The following GRP variants were observed in gnomAD, a reference collection of about 807,000 sequenced individuals.
GRP encodes the protein gastrin-releasing peptide.
GRP carries 11 observed loss-of-function variants against 12.7 expected under a neutral mutation model. That is an observed-to-expected ratio of 0.87 (90% CI 0.55 to 1.44). The LOEUF (loss-of-function observed/expected upper bound fraction) is 1.44. Among genes scored for constraint, GRP ranks in the 40% most tolerant of loss-of-function variants. GRP has a pLI of 0.00. For missense variants in GRP, 212 were observed against 185.4 expected, an observed-to-expected ratio of 1.14 and a Z score of -0.83; for synonymous variants, 84 against 77.7, an observed-to-expected ratio of 1.08 and a Z score of -0.43.
chr18:59,223,817 C>A (rs1015212025), intron 1 of GRP, among the ~76,000 whole-genome samples: 2 of 152,162 alleles, frequency 1.3e-5, no homozygotes, highest in Non-Finnish European at 2.9e-5. Flanking sequence ...GAGTGGCTAT[C>A]TGAGCACCAT....
intron 1 of GRP, among the ~76,000 whole-genome samples, chr18:59,223,946 A>T (rs1260499162): frequency 6.6e-6 from 1 of 152,222 alleles, no homozygotes; most frequent in Non-Finnish European, 1.5e-5. Flanking sequence ...CAATTTGGCA[A>T]ATGCTCACAC....
At chr18:59,225,415 A>C in intron 1 of GRP, 77 bp from the exon 2 acceptor site, 1 of 1,394,826 alleles carries the variant, frequency 7.2e-7, no homozygotes. Context: ...TTAGCTTTAA[A>C]TTTCTTTTAA....
At chr18:59,222,779 A>C (rs117499442) in intron 1 of GRP, among the ~76,000 whole-genome samples, 2,447 of 152,360 alleles carry the variant, frequency 0.016, 38 homozygotes, top group Non-Finnish European at 0.024. Flanking sequence ...ATGGTGCAGC[A>C]ATGGAAAAAA....
At chr18:59,225,369 T>A (rs2069900391) in intron 1 of GRP, 123 bp from the exon 2 acceptor site, 1 of 925,204 alleles carries the variant, frequency 1.1e-6, no homozygotes, top group African/African-American at 1.7e-5. Context: ...AAAACATGAT[T>A]TATTCTGCAT....
chr18:59,227,004 T>C (rs866851073), intron 2 of GRP, among the ~76,000 whole-genome samples: 14 of 99,914 alleles, frequency 1.4e-4, no homozygotes, highest in African/African-American at 4.4e-4. Context: ...TTTCTTTCTT[T>C]CTTTCTTTCT....
In GRP at chr18:59,220,260, G is replaced by A. The variant is rs988982340; in HGVS notation, c.-6G>A. ...CGGCGCGCTCCAAGGGCTTCCCGTC[G>A]GGACCATGCGCGGCCGTGAGCTCCC... On this transcript the variant is annotated 5_prime_UTR_variant, in exon 1 of 3. Transcript: ENST00000256857. 1 of 1,495,586 alleles carries A rather than the reference G, an allele frequency of 6.7e-7. No individual in the cohort carries two copies. The highest frequency in any genetic ancestry group is 8.9e-7 in the Non-Finnish European group (1 of 1,127,072). 92.6% of individuals were successfully genotyped at this position (1,495,586 alleles called of 1,614,324 possible).
In GRP at chr18:59,230,399, T is replaced by A. The variant is rs1387394563; in HGVS notation, c.383-5T>A. 3 of 1,538,652 alleles carry A rather than the reference T, an allele frequency of 1.9e-6. No individual in the cohort carries two copies. Among genetic ancestry groups the A allele is most frequent in the Non-Finnish European group, 2.7e-6 (3 of 1,111,056 alleles). On this transcript the variant is annotated splice_polypyrimidine_tract_variant and splice_region_variant and intron_variant, in intron 2 of 2. Transcript: ENST00000256857. ...TTTGCTGAACTCTTTCTAATATTTCTTAAGTTGGTAGACTCTCTGCTCCAG... is the reference window on the plus strand; with the variant it reads ...TTTGCTGAACTCTTTCTAATATTTCATAAGTTGGTAGACTCTCTGCTCCAG...
At chr18:59,229,475 G>A (rs2069996416) in intron 2 of GRP, among the ~76,000 whole-genome samples, 2 of 152,148 alleles carry the variant, frequency 1.3e-5, no homozygotes, top group South Asian at 4.1e-4. Flanking sequence ...AGCCTGGGTT[G>A]GTGGAGGCAA....
chr18:59,230,268 A>C, intron 2 of GRP, 136 bp from the exon 3 acceptor site: 1 of 610,310 alleles, frequency 1.6e-6, no homozygotes, highest in East Asian at 2.7e-5. Flanking sequence ...CTGATTTAGT[A>C]GGTGTTAGGC....
At chr18:59,219,912 C>A (rs2069799141), upstream of GRP, among the ~76,000 whole-genome samples, 1 of 152,038 alleles carries the variant, frequency 6.6e-6, no homozygotes, top group Non-Finnish European at 1.5e-5. Flanking sequence ...GGATGGAAGG[C>A]GTCGAGGACC....
At chr18:59,219,496 GTGGAGAGGAGGGGAA>G (rs2069792129), upstream of GRP, among the ~76,000 whole-genome samples, 1 of 67,708 alleles carries the variant, frequency 1.5e-5, no homozygotes, top group Non-Finnish European at 3.1e-5. Context: ...GGGTATGGGA[GTGGAGAGGAGGGGAA>G]GGGAGGGGAG....
In GRP at chr18:59,220,423, G is replaced by A. The variant is rs2069812082; in HGVS notation, c.139+19G>A. The A allele has an allele frequency of 7.4e-7, 1 of 1,343,162 alleles. No homozygotes were observed. The allele number at this position is 1,343,162 out of a possible 1,614,324, so 83.2% of individuals were successfully genotyped here. Reference sequence around the variant, plus strand: ...GCGGTGGGTGAGTGTCCTGGCCGCGGGAGCCGCGCGCTTGTCCTCCTCTGG... The same window carrying A: ...GCGGTGGGTGAGTGTCCTGGCCGCGAGAGCCGCGCGCTTGTCCTCCTCTGG... On this transcript the variant is annotated intron_variant, in intron 1 of 2. Transcript: ENST00000256857.
chr18:59,228,801 C>T (rs1278995041), intron 2 of GRP, among the ~76,000 whole-genome samples: 1 of 152,182 alleles, frequency 6.6e-6, no homozygotes, highest in Non-Finnish European at 1.5e-5. Context: ...GATGAAGCTC[C>T]AGGGCCTCAT....
At chr18:59,219,709 A>T (rs1468688126), upstream of GRP, among the ~76,000 whole-genome samples, 1 of 152,144 alleles carries the variant, frequency 6.6e-6, no homozygotes, top group Non-Finnish European at 1.5e-5. Context: ...GAGAATCAGA[A>T]GGCCTTCAAA....
chr18:59,226,791 C>G (rs1257203059), intron 2 of GRP, among the ~76,000 whole-genome samples: 2 of 152,228 alleles, frequency 1.3e-5, no homozygotes, highest in Non-Finnish European at 2.9e-5. Flanking sequence ...GGAGAGCTTC[C>G]TTCTTCACTC....
intron 2 of GRP, among the ~76,000 whole-genome samples, chr18:59,228,227 C>A (rs996042594): frequency 6.6e-6 from 1 of 152,094 alleles, no homozygotes; most frequent in Non-Finnish European, 1.5e-5. Flanking sequence ...TGAAAGTATG[C>A]TGTTATGAAA....
chr18:59,224,786 C>A (rs2069889027), intron 1 of GRP, among the ~76,000 whole-genome samples: 1 of 152,180 alleles, frequency 6.6e-6, no homozygotes, highest in African/African-American at 2.4e-5. Flanking sequence ...CACTGATAGA[C>A]TTTCAGACAC....
Position 59,230,630 on chromosome 18 carries a change from C to T in GRP, c.*162C>T. ...ATTCGTGATTTTCAAGCAGCATCTT[C>T]TGGTTTAAACTTGTTTGCTGTGAAC... On this transcript the variant is annotated 3_prime_UTR_variant, in exon 3 of 3. Coordinates refer to ENST00000256857, the MANE Select transcript of GRP (RefSeq NM_002091.5). 5.0e-6 allele frequency: 3 copies of T among 594,304 alleles called. No individual in the cohort carries two copies. In the South Asian group the frequency reaches 6.4e-5, roughly 13 times the overall value. The allele number at this position is 594,304 out of a possible 1,614,324, so 36.8% of individuals were successfully genotyped here.
Position 59,230,497 on chromosome 18 carries a change from A to G in GRP, c.*29A>G, listed in dbSNP as rs775548099. ...TGATGGCCTCTCTCAAAAGAGAAAA[A>G]CAAAACCCCTAAGAGACTGCGTTCT... On this transcript the variant is annotated 3_prime_UTR_variant, in exon 3 of 3. Transcript: ENST00000256857. 1.1e-5 allele frequency: 14 copies of G among 1,276,840 alleles called. No individual in the cohort carries two copies. The highest frequency in any genetic ancestry group is 1.6e-5 in the Non-Finnish European group (14 of 871,878). The allele number at this position is 1,276,840 out of a possible 1,614,324, so 79.1% of individuals were successfully genotyped here.
Sources: gnomAD v4.1 joint callset for allele counts (sites outside exome capture counted in the v4.1 genomes callset) on GRCh38, gnomAD v4.1.1 for gene constraint, MANE v1.5 for transcripts, NCBI Gene and HGNC (gene_info 2026-07-23, HGNC 2026-07-21) for gene names.